ESRRB: variants seen among roughly 807,000 people sequenced by gnomAD.
ESRRB encodes the protein estrogen related receptor beta.
In ESRRB, 16 loss-of-function variants were observed where a neutral mutation model predicts 46.0. That is an observed-to-expected ratio of 0.35 (90% CI 0.24 to 0.53). ESRRB has a LOEUF of 0.53. Ranked by LOEUF, ESRRB falls within the 20% of genes least tolerant of loss-of-function variation. The pLI, the probability that ESRRB is intolerant of heterozygous loss-of-function variation, is 0.93. For synonymous variants in ESRRB, 246 were observed against 259.6 expected, an observed-to-expected ratio of 0.95 and a Z score of 0.50; for missense variants, 488 against 607.4, an observed-to-expected ratio of 0.80 and a Z score of 2.07.
At chr14:76,460,226 C>T (rs865962010) in intron 2 of ESRRB, among the ~76,000 whole-genome samples, 1 of 152,210 alleles carries the variant, frequency 6.6e-6, no homozygotes, top group African/African-American at 2.4e-5. Context: ...ACCAGGCGAC[C>T]TCAGCCGCTG....
At chr14:76,391,527 T>C (rs563991136) in intron 1 of ESRRB, among the ~76,000 whole-genome samples, 1 of 152,220 alleles carries the variant, frequency 6.6e-6, no homozygotes, top group Non-Finnish European at 1.5e-5. Context: ...GAATCCCTGG[T>C]CTGTAGACAA....
At chr14:76,341,301 G>A (rs1312489638) in intron 1 of ESRRB, among the ~76,000 whole-genome samples, 1 of 152,246 alleles carries the variant, frequency 6.6e-6, no homozygotes, top group Non-Finnish European at 1.5e-5. Flanking sequence ...GGGGCCTTAT[G>A]TCCTGCTGTC....
At chr14:76,446,295 A>C (rs185210602) in intron 2 of ESRRB, among the ~76,000 whole-genome samples, 41 of 152,096 alleles carry the variant, frequency 2.7e-4, no homozygotes, top group African/African-American at 9.6e-4. Context: ...ATCAACTCCT[A>C]GTAGTGCATG....
At chr14:76,391,441 C>A (rs373375338) in intron 1 of ESRRB, among the ~76,000 whole-genome samples, 1 of 152,242 alleles carries the variant, frequency 6.6e-6, no homozygotes, top group African/African-American at 2.4e-5. Flanking sequence ...GCCCACAGAC[C>A]GCTGGCAATG....
chr14:76,418,831 G>C (rs1397062558), intron 1 of ESRRB, among the ~76,000 whole-genome samples: 1 of 151,228 alleles, frequency 6.6e-6, no homozygotes, highest in Non-Finnish European at 1.5e-5. Context: ...GGCCAGGCTG[G>C]TCTCAAACTC....
intron 1 of ESRRB, among the ~76,000 whole-genome samples, chr14:76,400,440 A>C (rs1477059213): frequency 1.3e-5 from 2 of 152,228 alleles, no homozygotes; most frequent in African/African-American, 2.4e-5. Context: ...GCCTTCCAAA[A>C]GGAACCGCTT....
rs372381771 is a variant in ESRRB at position 76,336,511 on chromosome 14, C to T, written c.2+25595C>T. On this transcript the variant is annotated intron_variant, in intron 1 of 6. Coordinates refer to the ESRRB transcript ENST00000512784. ...ACTGCAGTCCTTGAAACTAACCAGA[C>T]CCTGATTCCTGGGCTTTCAGACCCC... Among the ~76,000 whole-genome samples, 64 of 152,360 alleles carry T rather than the reference C, an allele frequency of 4.2e-4. 2 individuals carry two copies. In the South Asian group the frequency reaches 0.013, roughly 31 times the overall value.
chr14:76,384,128 C>CT (rs1885124223), intron 1 of ESRRB, among the ~76,000 whole-genome samples: 1 of 152,112 alleles, frequency 6.6e-6, no homozygotes, highest in South Asian at 2.1e-4. Context: ...TGAAACAGGA[C>CT]TTCAGCATGC....
At chr14:76,331,379 A>AAAC (rs1884011577) in intron 1 of ESRRB, among the ~76,000 whole-genome samples, 1 of 152,096 alleles carries the variant, frequency 6.6e-6, no homozygotes, top group Non-Finnish European at 1.5e-5. Flanking sequence ...TAAAATGGGG[A>AAAC]TGATAAAAGT....
rs1429831772 is a variant in ESRRB, at chr14:76,482,346, C to T, written c.688+220C>T. ...GTCCAGAACATGCTCCCCTTGCCAC[C>T]CACCCAAAGTTGCTCTGCAGGTTCC... On this transcript the variant is annotated intron_variant, in intron 4 of 6. Coordinates refer to ENST00000644823, the MANE Select transcript of ESRRB (RefSeq NM_001379180.1). This position sits in a 1 kb window ranked among gnomAD's most constrained non-coding sequence, Gnocchi z 4.3. Among the ~76,000 whole-genome samples the T allele has an allele frequency of 6.6e-6, 1 of 152,172 alleles. No individual in the cohort carries two copies. Among genetic ancestry groups the T allele is most frequent in the Non-Finnish European group, 1.5e-5 (1 of 68,028 alleles).
At chr14:76,333,121 ATATATATTATATAT>A in intron 1 of ESRRB, among the ~76,000 whole-genome samples, 1 of 7,796 alleles carries the variant, frequency 1.3e-4, no homozygotes, top group Middle Eastern at 0.12. Context: ...AATATATAAT[ATATATATTATATAT>A]TATATATTAT....
At chr14:76,363,867 G>A (rs1884492266) in intron 1 of ESRRB, among the ~76,000 whole-genome samples, 1 of 152,206 alleles carries the variant, frequency 6.6e-6, no homozygotes, top group South Asian at 2.1e-4. Flanking sequence ...TTTGGGGTGA[G>A]CTAGACTTGG....
intron 2 of ESRRB, among the ~76,000 whole-genome samples, chr14:76,456,750 C>A (rs1408469356): frequency 6.6e-6 from 1 of 152,092 alleles, no homozygotes; most frequent in East Asian, 1.9e-4. Flanking sequence ...GCACTGGCTG[C>A]AGATCATTGC....
chr14:76,406,313 G>T (rs1886182536), intron 1 of ESRRB, among the ~76,000 whole-genome samples: 1 of 152,082 alleles, frequency 6.6e-6, no homozygotes, highest in Admixed American at 6.5e-5. Context: ...TGGGAGTTAG[G>T]GCTTGGTTCT....
At chr14:76,429,472 C>T (rs572627295) in intron 1 of ESRRB, among the ~76,000 whole-genome samples, 62 of 152,108 alleles carry the variant, frequency 4.1e-4, no homozygotes, top group African/African-American at 1.4e-3. Context: ...CAGTTCAGGC[C>T]GGGCGCAGTG....
At chr14:76,481,076 G>T (rs1566609854) in intron 3 of ESRRB, among the ~76,000 whole-genome samples, 1 of 152,208 alleles carries the variant, frequency 6.6e-6, no homozygotes, top group Admixed American at 6.5e-5. Context: ...GCCCCACAGG[G>T]CCCCAGCACC....
intron 1 of ESRRB, among the ~76,000 whole-genome samples, chr14:76,356,330 G>A (rs1229298190): frequency 6.6e-6 from 1 of 152,182 alleles, no homozygotes; most frequent in African/African-American, 2.4e-5. Flanking sequence ...GCTTGTCTAA[G>A]TGTTTTCTCC....
intron 1 of ESRRB, among the ~76,000 whole-genome samples, chr14:76,325,385 G>A (rs560947741): frequency 6.6e-5 from 10 of 152,278 alleles, no homozygotes; most frequent in African/African-American, 2.2e-4. Context: ...AGAAAGGGAG[G>A]GGTTGTCTGC....
chr14:76,486,675 T>C (rs139340436), intron 5 of ESRRB, among the ~76,000 whole-genome samples: 4 of 152,186 alleles, frequency 2.6e-5, no homozygotes, highest in Non-Finnish European at 5.9e-5. Flanking sequence ...ATAAAACAAT[T>C]TTCCTGGGGC....
Sources: gnomAD v4.1 joint callset for allele counts (sites outside exome capture counted in the v4.1 genomes callset) on GRCh38, gnomAD v4.1.1 for gene constraint, Gnocchi (gnomAD v3.1) non-coding constraint, MANE v1.5 for transcripts, NCBI Gene and HGNC (gene_info 2026-07-23, HGNC 2026-07-21) for gene names.